The following MAML3 variants were observed in gnomAD, a reference collection of about 807,000 sequenced individuals.
MAML3 encodes the protein mastermind-like protein 3.
MAML3 carries 27 observed loss-of-function variants against 101.9 expected under a neutral mutation model. That is an observed-to-expected ratio of 0.27 (90% CI 0.20 to 0.37). The LOEUF (loss-of-function observed/expected upper bound fraction) is 0.37. Among genes scored for constraint, MAML3 ranks in the 10% least tolerant of loss-of-function variants. The probability of loss-of-function intolerance (pLI) is 1.00; values close to 1 mark genes in which losing one functional copy is unlikely to be tolerated. For missense variants in MAML3, 1,316 were observed against 1,444.9 expected (o/e 0.91, Z 1.45); for synonymous variants, 501 against 555.9 (o/e 0.90, Z 1.39).
chr4:139,723,484 G>A (rs1728341946), intron 4 of MAML3, among the ~76,000 whole-genome samples: 1 of 152,122 alleles, frequency 6.6e-6, no homozygotes, highest in Non-Finnish European at 1.5e-5. Context: ...CTAATTTTTT[G>A]TATTTTTAGT....
intron 1 of MAML3, among the ~76,000 whole-genome samples, chr4:139,930,221 C>T (rs1733354531): frequency 6.6e-6 from 1 of 152,198 alleles, no homozygotes; most frequent in South Asian, 2.1e-4. Flanking sequence ...TGGAGGCCAA[C>T]TATTTCTTCT....
intron 1 of MAML3, among the ~76,000 whole-genome samples, chr4:139,907,566 A>G (rs1034775904): frequency 6.6e-6 from 1 of 152,224 alleles, no homozygotes; most frequent in Non-Finnish European, 1.5e-5. Context: ...CAGAAAACCA[A>G]GTGTTTAAAT....
chr4:139,758,446 T>C (rs1729695986), intron 2 of MAML3, among the ~76,000 whole-genome samples: 1 of 152,346 alleles, frequency 6.6e-6, no homozygotes, highest in Non-Finnish European at 1.5e-5. Flanking sequence ...TCGATCTGTG[T>C]GTGCAGAGGT....
chr4:140,065,736 C>A (rs1727524999), intron 1 of MAML3, among the ~76,000 whole-genome samples: 1 of 152,172 alleles, frequency 6.6e-6, no homozygotes, highest in South Asian at 2.1e-4. Flanking sequence ...TAATTGAACT[C>A]ATGAATATCA....
chr4:140,069,474 GGAA>G (rs1370632148), intron 1 of MAML3, among the ~76,000 whole-genome samples: 26 of 113,530 alleles, frequency 2.3e-4, no homozygotes, highest in Non-Finnish European at 3.2e-4. Flanking sequence ...GAAGGAGAAA[GGAA>G]GAAGAAGGAG....
chr4:140,023,864 C>T (rs1210056968), intron 1 of MAML3, among the ~76,000 whole-genome samples: 6 of 152,176 alleles, frequency 3.9e-5, no homozygotes, highest in African/African-American at 1.4e-4. Flanking sequence ...AAATATATTA[C>T]TGTCACACAG....
intron 1 of MAML3, among the ~76,000 whole-genome samples, chr4:140,038,337 C>T (rs1727022609): frequency 6.6e-6 from 1 of 152,180 alleles, no homozygotes; most frequent in South Asian, 2.1e-4. Flanking sequence ...GGCAATGGTG[C>T]ACCTCTTGTG....
chr4:140,146,465 T>C (rs1168242520), intron 1 of MAML3, among the ~76,000 whole-genome samples: 1 of 152,244 alleles, frequency 6.6e-6, no homozygotes, highest in East Asian at 1.9e-4. Context: ...TGCATAATTT[T>C]ATCTAACCCT....
chr4:140,078,750 T>C (rs995004488), intron 1 of MAML3, among the ~76,000 whole-genome samples: 13 of 152,088 alleles, frequency 8.5e-5, no homozygotes, highest in African/African-American at 3.1e-4. Context: ...CCAGCTCCCA[T>C]TGCCAGGATG....
rs756861133 is a variant in MAML3 at position 139,725,765 on chromosome 4, A to T, written c.2402T>A (p.Val801Asp). The change falls in exon 4 of 5, where the codon GTC becomes GAC. Residue 801 changes from valine to aspartate, a missense_variant. By Grantham distance (152) the Val-to-Asp change is radical. Coordinates refer to ENST00000509479, the MANE Select transcript of MAML3 (RefSeq NM_018717.5). ...PQRNPYPVQQ[V>D]NQFQGSPQDI... ...ACTGGCCTCACCTTGAAACTGATTG[A>T]CCTGCTGCACTGGGTATGGATTCCG... 1.9e-6 allele frequency: 3 copies of T among 1,613,754 alleles called. No individual in the cohort carries two copies. The highest frequency in any genetic ancestry group is 2.5e-6 in the Non-Finnish European group (3 of 1,179,862).
intron 1 of MAML3, among the ~76,000 whole-genome samples, chr4:140,107,903 C>T (rs542667259): frequency 4.0e-5 from 6 of 150,008 alleles, no homozygotes; most frequent in East Asian, 2.0e-4. Context: ...GAAAAGGCAC[C>T]GAGAGGAACA....
intron 2 of MAML3, among the ~76,000 whole-genome samples, chr4:139,876,693 A>T (rs1219435522): frequency 6.6e-6 from 1 of 152,178 alleles, no homozygotes; most frequent in Admixed American, 6.5e-5. Context: ...GATCATGTGG[A>T]CCCAGGCTGC....
Position 139,720,050 on chromosome 4 carries a change from G to C in MAML3, c.2690C>G (p.Ala897Gly). The change falls in exon 5 of 5, where the codon GCC becomes GGC. Residue 897 changes from alanine to glycine, a missense_variant. By Grantham distance (60) the Ala-to-Gly change is moderately conservative. Transcript: ENST00000509479. ...QSGMSITHNQ[A>G]QGPRQPASGQ... ...AGAGGCAGGTTGCCTCGGTCCCTGGGCTTGGTTATGTGTGATGCTCATGCC... is the reference window on the plus strand; with the variant it reads ...AGAGGCAGGTTGCCTCGGTCCCTGGCCTTGGTTATGTGTGATGCTCATGCC... The C allele has an allele frequency of 6.2e-7, 1 of 1,614,078 alleles. No individual in the cohort carries two copies. The highest frequency in any genetic ancestry group is 1.1e-5 in the South Asian group (1 of 91,088).
intron 2 of MAML3, among the ~76,000 whole-genome samples, chr4:139,844,040 T>C (rs1731403294): frequency 6.6e-6 from 1 of 152,222 alleles, no homozygotes; most frequent in Non-Finnish European, 1.5e-5. Flanking sequence ...AATTAATAAA[T>C]CAATTGCTCT....
intron 2 of MAML3, among the ~76,000 whole-genome samples, chr4:139,758,963 C>T (rs944319050): frequency 7.9e-5 from 12 of 152,338 alleles, no homozygotes; most frequent in Non-Finnish European, 1.5e-4. Flanking sequence ...ATCTACAAGA[C>T]ATTTTGTTAG....
At chr4:139,915,427 T>TAGCCTCAGAGATG (rs1477162657) in intron 1 of MAML3, among the ~76,000 whole-genome samples, 1 of 152,176 alleles carries the variant, frequency 6.6e-6, no homozygotes, top group East Asian at 1.9e-4. Flanking sequence ...ATGATGAGGT[T>TAGCCTCAGAGATG]AGCTGGCCCC....
intron 2 of MAML3, among the ~76,000 whole-genome samples, chr4:139,749,713 C>G (rs1044820622): frequency 6.6e-6 from 1 of 152,298 alleles, no homozygotes. Context: ...GGTGGCAGTG[C>G]TAATTGGTGA....
At chr4:140,000,755 C>T (rs1287453214) in intron 1 of MAML3, among the ~76,000 whole-genome samples, 3 of 152,098 alleles carry the variant, frequency 2.0e-5, no homozygotes, top group African/African-American at 2.4e-5. Flanking sequence ...TGGCTGGGTG[C>T]GGTGGCTCAC....
At chr4:139,967,870 C>G (rs955931222) in intron 1 of MAML3, among the ~76,000 whole-genome samples, 9 of 151,602 alleles carry the variant, frequency 5.9e-5, no homozygotes, top group Non-Finnish European at 1.3e-4. Flanking sequence ...CAGACACCCC[C>G]ACAGATACAC....
Sources: allele counts gnomAD v4.1 joint callset (sites outside exome capture counted in the v4.1 genomes callset), GRCh38; gene constraint gnomAD v4.1.1; transcripts MANE v1.5; gene names NCBI Gene and HGNC (gene_info 2026-07-23, HGNC 2026-07-21).